The following VPS33A variants were observed in gnomAD, a reference collection of about 807,000 sequenced individuals.
VPS33A encodes the protein vacuolar protein sorting-associated protein 33A.
Under a neutral mutation model 71.8 loss-of-function variants are expected in VPS33A, and 32 were observed. The observed-to-expected ratio is 0.45, with a 90% CI of 0.34 to 0.60. The LOEUF is 0.60. VPS33A is among the 20% of genes least tolerant of loss of function. The pLI is 0.02. For missense variants in VPS33A, 625 were observed against 748.5 expected (o/e 0.84, Z 1.92); for synonymous variants, 311 against 292.7 (o/e 1.06, Z -0.64).
Position 122,232,300 on chromosome 12 carries a change from A to C in VPS33A, c.1737T>G (p.Thr579=). Residue 579 remains threonine, a synonymous_variant, in exon 13 of 13, where the codon ACT becomes ACG. Coordinates refer to ENST00000267199, the MANE Select transcript of VPS33A (RefSeq NM_022916.6). ...TCCAACTGGTTCCATTCATTAGTTT[A>C]GTGGTGGCAATGACATATTCTGTAC... ...DGGTEYVIAT[T]KLMNGTSWIE... is the part of the protein sequence containing the mutation. 2.7e-5 allele frequency: 43 copies of C among 1,614,104 alleles called. No homozygotes were observed. The highest frequency in any genetic ancestry group is 3.5e-5 in the Non-Finnish European group (41 of 1,180,020).
intron 6 of VPS33A, among the ~76,000 whole-genome samples, chr12:122,247,331 C>G (rs1020422113): frequency 1.3e-5 from 2 of 152,020 alleles, no homozygotes; most frequent in African/African-American, 2.4e-5. Context: ...CCTCTCCCCC[C>G]ACCATTCCCC....
chr12:122,263,579 C>A lies in VPS33A; in HGVS notation c.289G>T (p.Val97Leu). Residue 97 changes from valine (V) to leucine (L), a missense_variant, in exon 3 of 13, where the codon GTG becomes TTG. By Grantham distance (32) the Val-to-Leu change is conservative (BLOSUM62 1). Transcript: ENST00000267199. ...LELMDIIAEN[V>L]LSEDRRGPTR... Reference sequence around the variant, plus strand: ...ACACAAGCTCTGAGATACCTGAGCACGTTTTCAGCGATTATATCCATCAAC... The same window carrying A: ...ACACAAGCTCTGAGATACCTGAGCAAGTTTTCAGCGATTATATCCATCAAC... 1 of 1,605,308 alleles carries A rather than the reference C, an allele frequency of 6.2e-7. No individual in the cohort carries two copies. The highest frequency in any genetic ancestry group is 8.5e-7 in the Non-Finnish European group (1 of 1,175,546).
intron 10 of VPS33A, 67 bp from the exon 11 acceptor site, chr12:122,235,990 G>C: frequency 6.5e-7 from 1 of 1,542,742 alleles, no homozygotes; most frequent in Non-Finnish European, 8.7e-7. Flanking sequence ...TTCAAAGAAG[G>C]GCACTTCCAA....
At chr12:122,235,116 CATACTACCA>C (rs1394164464) in intron 11 of VPS33A, among the ~76,000 whole-genome samples, 9 of 151,962 alleles carry the variant, frequency 5.9e-5, no homozygotes, top group African/African-American at 2.2e-4. Context: ...ACTAAAGGCT[CATACTACCA>C]CTGGCCATTT....
At chr12:122,235,123 C>T (rs1020553390) in intron 11 of VPS33A, among the ~76,000 whole-genome samples, 3 of 151,920 alleles carry the variant, frequency 2.0e-5, no homozygotes, top group African/African-American at 7.3e-5. Context: ...GCTCATACTA[C>T]CACTGGCCAT....
chr12:122,265,905 G>A (rs1955061913), intron 1 of VPS33A, among the ~76,000 whole-genome samples: 1 of 152,332 alleles, frequency 6.6e-6, no homozygotes, highest in South Asian at 2.1e-4. Flanking sequence ...CAGGTTGCAA[G>A]GTGCAGGTGT....
At position 122,261,041 on chromosome 12, in the gene VPS33A, G is replaced by C. The variant is rs35030971; in HGVS notation, c.483+220C>G. 0.22 allele frequency among the ~76,000 whole-genome samples: 33,411 copies of C among 152,182 alleles called. 4,850 individuals are homozygous for C. The highest frequency in any genetic ancestry group is 0.62 in the East Asian group (3,205 of 5,182). On this transcript the variant is annotated intron_variant, in intron 4 of 12. Transcript: ENST00000267199. ...GTCACAGACTGGGAAGATACTTGCA[G>C]CTTTTATAATCCATAATGATCAACA...
chr12:122,239,985 T>TTAACA, intron 8 of VPS33A, 40 bp from the exon 9 acceptor site: 2 of 1,463,046 alleles, frequency 1.4e-6, no homozygotes, highest in Non-Finnish European at 1.9e-6. Flanking sequence ...AGAAATTAAA[T>TTAACA]GTTAATTTAC....
At chr12:122,250,216 C>T (rs925769173) in intron 5 of VPS33A, 171 bp from the exon 6 acceptor site, 20 of 647,508 alleles carry the variant, frequency 3.1e-5, no homozygotes, top group Admixed American at 1.0e-4. Context: ...GCACCCATCC[C>T]GACACTTGCA....
chr12:122,231,832 G>T lies in VPS33A; in HGVS notation c.*414C>A. ...AGCACTGTGGGAGGCCGAGGCAGGT[G>T]GATCACCTGAGGTCAGGAGTTTGAG... On this transcript the variant is annotated 3_prime_UTR_variant, in exon 13 of 13. Transcript: ENST00000267199. 3.2e-6 allele frequency: 1 copy of T among 312,374 alleles called. No homozygotes were observed. Among genetic ancestry groups the T allele is most frequent in the South Asian group, 1.6e-4 (1 of 6,292 alleles). The allele number at this position is 312,374 out of a possible 1,614,324, so 19.4% of individuals were successfully genotyped here. A position where few individuals can be genotyped will look rare whatever the true frequency, so the allele number is the denominator to read the frequency against.
intron 6 of VPS33A, among the ~76,000 whole-genome samples, chr12:122,247,930 T>C (rs1267896549): frequency 6.6e-6 from 1 of 152,272 alleles, no homozygotes; most frequent in Admixed American, 6.5e-5. Flanking sequence ...AAAGTCTCAC[T>C]CTGTCACCCG....
Position 122,264,007 on chromosome 12 carries a change from G to T in VPS33A, c.168+127C>A, listed in dbSNP as rs558278097. Reference sequence around the variant, plus strand: ...GATACAAAATGTTAATCGGGCACTAGTATTAGTGTTTATAAAGACCAAACA... The same window carrying T: ...GATACAAAATGTTAATCGGGCACTATTATTAGTGTTTATAAAGACCAAACA... On this transcript the variant is annotated intron_variant, in intron 2 of 12. Transcript: ENST00000267199. 8.1e-5 allele frequency: 65 copies of T among 801,836 alleles called. No individual in the cohort carries two copies. In the East Asian group the frequency reaches 1.6e-3, roughly 20 times the overall value. 49.7% of individuals were successfully genotyped at this position (801,836 alleles called of 1,614,324 possible).
chr12:122,255,405 G>A (rs1435152471), intron 4 of VPS33A, among the ~76,000 whole-genome samples: 1 of 152,136 alleles, frequency 6.6e-6, no homozygotes, highest in East Asian at 1.9e-4. Context: ...TAGGGAACAA[G>A]GTACAAAAGA....
At position 122,235,861 on chromosome 12, in the gene VPS33A, C is replaced by T. The variant is rs752623476; in HGVS notation, c.1365G>A (p.Pro455=). 1.6e-5 allele frequency: 26 copies of T among 1,613,496 alleles called. No homozygotes were observed. Among genetic ancestry groups the T allele is most frequent in the South Asian group, 5.5e-5 (5 of 90,956 alleles). The part of the protein sequence containing the change: ...HNLEKAGLLK[P]QTGGRNNYPT... ...GGTAATTGTTTCTGCCCCCCGTCTG[C>T]GGTTTCAGCAGGCCGGCCTTCTCCA... The change falls in exon 11 of 13, where the codon CCG becomes CCA. Residue 455 remains proline, a synonymous_variant. Coordinates refer to ENST00000267199, the MANE Select transcript of VPS33A (RefSeq NM_022916.6).
chr12:122,241,324 G>C (rs73421728), intron 8 of VPS33A, among the ~76,000 whole-genome samples: 2 of 151,556 alleles, frequency 1.3e-5, no homozygotes. Flanking sequence ...TCGTTATTTC[G>C]AGATGGAGTC....
chr12:122,233,348 C>T (rs2136120668), intron 11 of VPS33A, among the ~76,000 whole-genome samples: 1 of 152,172 alleles, frequency 6.6e-6, no homozygotes, highest in Admixed American at 6.5e-5. Flanking sequence ...GCCTCAGGCT[C>T]CCAAAGAGCT....
chr12:122,239,851 G>A (rs757397098), intron 9 of VPS33A, 27 bp downstream of exon 9: 28 of 1,510,828 alleles, frequency 1.9e-5, no homozygotes, highest in Non-Finnish European at 2.4e-5. Context: ...TCAATTACTT[G>A]TTAAAGAGGT....
At chr12:122,264,337 AAAT>A (rs1453899684) in intron 1 of VPS33A, 138 bp from the exon 2 acceptor site, 7 of 534,962 alleles carry the variant, frequency 1.3e-5, no homozygotes, top group South Asian at 1.2e-4. Flanking sequence ...TACAAAATTA[AAAT>A]AATAATAATA....
Position 122,230,533 on chromosome 12 carries a change from A to G in VPS33A, c.*1713T>C, listed in dbSNP as rs1954546767. On this transcript the variant is annotated 3_prime_UTR_variant, in exon 13 of 13. Coordinates refer to ENST00000267199, the MANE Select transcript of VPS33A (RefSeq NM_022916.6). Reference sequence around the variant, plus strand: ...GAAGTGGAGGTTGCAGTGAGCTGACATCGCACCACTGCACTCCAGTCTGAA... The same window carrying G: ...GAAGTGGAGGTTGCAGTGAGCTGACGTCGCACCACTGCACTCCAGTCTGAA... The G allele has an allele frequency of 6.6e-6, 1 of 152,288 alleles. No homozygotes were observed. The highest frequency in any genetic ancestry group is 2.4e-5 in the African/African-American group (1 of 41,466). 9.4% of individuals were successfully genotyped at this position (152,288 alleles called of 1,614,324 possible).
Sources: gnomAD v4.1 joint callset for allele counts (sites outside exome capture counted in the v4.1 genomes callset) on GRCh38, gnomAD v4.1.1 for gene constraint, MANE v1.5 for transcripts, NCBI Gene and HGNC (gene_info 2026-07-23, HGNC 2026-07-21) for gene names.